ZC3H13: variants seen among roughly 807,000 people sequenced by gnomAD.
ZC3H13 encodes zinc finger CCCH-type containing 13.
In ZC3H13, 64 loss-of-function variants were observed where a neutral mutation model predicts 204.1. The ratio of observed to expected loss-of-function variants is 0.31; its 90% CI spans 0.26 to 0.39. The LOEUF (loss-of-function observed/expected upper bound fraction) is 0.39, where lower values mean the gene tolerates loss of function less well. ZC3H13 is among the 10% of genes least tolerant of loss of function. The pLI is 1.00. For synonymous variants in ZC3H13, 667 were observed against 693.7 expected, an observed-to-expected ratio of 0.96 and a Z score of 0.60; for missense variants, 1,833 against 2,082.7, an observed-to-expected ratio of 0.88 and a Z score of 2.33.
At chr13:46,000,753 GC>G (rs767244442) in intron 8 of ZC3H13, among the ~76,000 whole-genome samples, 19 of 152,120 alleles carry the variant, frequency 1.2e-4, no homozygotes, top group Non-Finnish European at 2.2e-4. Context: ...TAGCTGACTG[GC>G]ACAAGAGATC....
chr13:45,989,181 G>T lies in ZC3H13; in HGVS notation c.945-84C>A, dbSNP rs377632419. The T allele has an allele frequency of 2.1e-4, 267 of 1,268,822 alleles. 1 individual carries two copies. In the South Asian group the frequency reaches 3.9e-3, roughly 19 times the overall value. 78.6% of individuals were successfully genotyped at this position (1,268,822 alleles called of 1,614,324 possible). A position where few individuals can be genotyped will look rare whatever the true frequency, so the allele number is the denominator to read the frequency against. On this transcript the variant is annotated intron_variant, in intron 8 of 18. Coordinates refer to ENST00000679008, the MANE Select transcript of ZC3H13 (RefSeq NM_001330564.2). The stretch of plus-strand genomic sequence containing the variant: ...GGAAAATCTTTAAAAACAAAAAAGT[G>T]AATATGAAAGTATAGACAATAACTT...
At chr13:46,018,430 T>A (rs2042040479) in intron 5 of ZC3H13, among the ~76,000 whole-genome samples, 1 of 152,020 alleles carries the variant, frequency 6.6e-6, no homozygotes, top group African/African-American at 2.4e-5. Context: ...AAATGGATGT[T>A]AAAGATATAG....
At chr13:46,048,072 C>T (rs908080617) in intron 1 of ZC3H13, among the ~76,000 whole-genome samples, 7 of 152,152 alleles carry the variant, frequency 4.6e-5, no homozygotes, top group African/African-American at 1.4e-4. Flanking sequence ...CCAGTTAGGA[C>T]GACAGGCTAT....
intron 7 of ZC3H13, among the ~76,000 whole-genome samples, chr13:46,005,837 T>C (rs1031644394): frequency 6.6e-6 from 1 of 152,136 alleles, no homozygotes; most frequent in Non-Finnish European, 1.5e-5. Context: ...CTCATACCTG[T>C]AATCCCAGCA....
chr13:45,986,595 T>C (rs1206093315), intron 9 of ZC3H13, among the ~76,000 whole-genome samples: 1 of 152,184 alleles, frequency 6.6e-6, no homozygotes, highest in African/African-American at 2.4e-5. Context: ...TTTGCAAAGA[T>C]TAGAAACCAC....
intron 6 of ZC3H13, among the ~76,000 whole-genome samples, chr13:46,010,995 A>T (rs1180306209): frequency 2.6e-5 from 4 of 152,242 alleles, no homozygotes; most frequent in African/African-American, 9.6e-5. Flanking sequence ...CTGTCCTAAC[A>T]TATACCAGTT....
chr13:45,976,208 G>C (rs1953034965), intron 11 of ZC3H13: 1 of 984,890 alleles, frequency 1.0e-6, no homozygotes, highest in Non-Finnish European at 1.2e-6. Flanking sequence ...CCCCCCAGCA[G>C]GACCTGAGAA....
chr13:45,992,232 T>C (rs2040016752), intron 8 of ZC3H13, among the ~76,000 whole-genome samples: 1 of 152,206 alleles, frequency 6.6e-6, no homozygotes, highest in South Asian at 2.1e-4. Context: ...GAAGTTTATA[T>C]TTATTAAATC....
chr13:45,975,051 G>A lies in ZC3H13; in HGVS notation c.2468+232C>T, dbSNP rs540894162. Among the ~76,000 whole-genome samples, 18 of 151,966 alleles carry A rather than the reference G, an allele frequency of 1.2e-4. No homozygotes were observed. The South Asian group carries it at 3.7e-3, about 32-fold the overall frequency. On this transcript the variant is annotated intron_variant, in intron 12 of 18. Coordinates refer to ENST00000679008, the MANE Select transcript of ZC3H13 (RefSeq NM_001330564.2). ...TGTAGAGATGGAGTTTTGCCATGTT[G>A]CCCAGGCTGGTCTCAAACTCCTGGC...
intron 8 of ZC3H13, among the ~76,000 whole-genome samples, chr13:45,997,866 G>A (rs1309000182): frequency 6.6e-6 from 1 of 151,864 alleles, no homozygotes; most frequent in Non-Finnish European, 1.5e-5. Context: ...CACGTATTTG[G>A]AAACACTATT....
intron 4 of ZC3H13, among the ~76,000 whole-genome samples, chr13:46,038,461 C>T (rs915756611): frequency 3.9e-5 from 6 of 152,166 alleles, no homozygotes; most frequent in Admixed American, 6.5e-5. Context: ...AATTTGATAA[C>T]CACAAGATCA....
intron 4 of ZC3H13, among the ~76,000 whole-genome samples, chr13:46,034,770 A>G (rs2043109374): frequency 6.6e-6 from 1 of 152,152 alleles, no homozygotes; most frequent in African/African-American, 2.4e-5. Flanking sequence ...AAAAAGGCTC[A>G]GGATCCAATA....
intron 11 of ZC3H13, among the ~76,000 whole-genome samples, chr13:45,977,382 T>G (rs1006714053): frequency 6.6e-6 from 1 of 152,194 alleles, no homozygotes; most frequent in Non-Finnish European, 1.5e-5. Flanking sequence ...GCAAATAGAC[T>G]ATTCAGACAT....
intron 7 of ZC3H13, chr13:46,010,139 T>G (rs2041443325): frequency 2.6e-6 from 1 of 382,658 alleles, no homozygotes; most frequent in Non-Finnish European, 4.5e-6. Context: ...TAAAAAGCTC[T>G]GAAGCATATG....
chr13:45,998,616 T>G lies in ZC3H13; in HGVS notation c.944+4523A>C, dbSNP rs567398439. Reference sequence around the variant, plus strand: ...ATGAGCCAAGATTGTGCCACTGCACTCCAGCCTGGGTGACACAGCGAAACT... The same window carrying G: ...ATGAGCCAAGATTGTGCCACTGCACGCCAGCCTGGGTGACACAGCGAAACT... On this transcript the variant is annotated intron_variant, in intron 8 of 18. Transcript: ENST00000679008. Among the ~76,000 whole-genome samples, 146 of 151,466 alleles carry G rather than the reference T, an allele frequency of 9.6e-4. 1 individual carries two copies. Among genetic ancestry groups the G allele is most frequent in the Non-Finnish European group, 1.3e-3 (86 of 67,942 alleles).
intron 1 of ZC3H13, among the ~76,000 whole-genome samples, chr13:46,049,598 G>A (rs1204360775): frequency 6.6e-6 from 1 of 152,016 alleles, no homozygotes; most frequent in Admixed American, 6.5e-5. Context: ...CTACAATACA[G>A]CAGAAAAACA....
chr13:45,983,806 A>G (rs1054868926), intron 10 of ZC3H13, among the ~76,000 whole-genome samples: 1 of 152,196 alleles, frequency 6.6e-6, no homozygotes, highest in African/African-American at 2.4e-5. Flanking sequence ...AGAAAAGAAG[A>G]GCCAAATCAG....
intron 12 of ZC3H13, among the ~76,000 whole-genome samples, chr13:45,972,925 G>T (rs1426261715): frequency 1.3e-5 from 2 of 152,214 alleles, no homozygotes. Context: ...AAGTGGAGGA[G>T]AAACAAGATG....
intron 17 of ZC3H13, among the ~76,000 whole-genome samples, chr13:45,961,396 G>A (rs1177841070): frequency 6.6e-6 from 1 of 151,750 alleles, no homozygotes; most frequent in Non-Finnish European, 1.5e-5. Flanking sequence ...TATAAAACAT[G>A]ACTAAATTTC....
Sources: allele counts gnomAD v4.1 joint callset (sites outside exome capture counted in the v4.1 genomes callset), GRCh38; gene constraint gnomAD v4.1.1; transcripts MANE v1.5; gene names NCBI Gene and HGNC (gene_info 2026-07-23, HGNC 2026-07-21).